Variants in NOVA2 observed in about 807,000 individuals in gnomAD.
NOVA2 encodes NOVA alternative splicing regulator 2, also known as RNA-binding protein Nova-2.
A neutral mutation model predicts 22.5 loss-of-function variants in NOVA2; 9 were observed. The observed-to-expected ratio is 0.40, with a 90% CI of 0.24 to 0.70. The LOEUF (loss-of-function observed/expected upper bound fraction) is 0.70. Ranked by LOEUF, NOVA2 falls within the 30% of genes least tolerant of loss-of-function variation. The pLI, the probability that NOVA2 is intolerant of heterozygous loss-of-function variation, is 0.38. For missense variants in NOVA2, 383 were observed against 682.8 expected, an observed-to-expected ratio of 0.56 and a Z score of 4.89; for synonymous variants, 318 against 335.2, an observed-to-expected ratio of 0.95 and a Z score of 0.56.
At chr19:45,960,818 C>T (rs1424449227) in intron 2 of NOVA2, among the ~76,000 whole-genome samples, 192 bp downstream of exon 2, 1 of 152,156 alleles carries the variant, frequency 6.6e-6, no homozygotes, top group Non-Finnish European at 1.5e-5. Context: ...CTTGCCCTGC[C>T]CCCACCCCCA....
intron 1 of NOVA2, among the ~76,000 whole-genome samples, chr19:45,966,177 T>G (rs1968165464): frequency 6.6e-6 from 1 of 152,236 alleles, no homozygotes. Context: ...CTCCATTCTC[T>G]GCACTCAGCC....
At chr19:45,970,905 GA>G (rs1454097263) in intron 1 of NOVA2, among the ~76,000 whole-genome samples, 1 of 152,158 alleles carries the variant, frequency 6.6e-6, no homozygotes, top group Non-Finnish European at 1.5e-5. Context: ...TGAGTAAACA[GA>G]AGCGGGGTGG....
intron 1 of NOVA2, among the ~76,000 whole-genome samples, chr19:45,961,858 A>C (rs1206992006): frequency 6.6e-6 from 1 of 152,142 alleles, no homozygotes; most frequent in African/African-American, 2.4e-5. Context: ...TATGTGAAGG[A>C]CGAGTGAGTG....
intron 3 of NOVA2, among the ~76,000 whole-genome samples, chr19:45,950,778 C>A (rs544246608): frequency 1.3e-5 from 2 of 152,162 alleles, no homozygotes; most frequent in African/African-American, 2.4e-5. Context: ...ACTACCACCA[C>A]CAACAATAAC....
At chr19:45,954,248 G>A (rs1260494496) in intron 2 of NOVA2, among the ~76,000 whole-genome samples, 10 of 152,208 alleles carry the variant, frequency 6.6e-5, no homozygotes. Flanking sequence ...GGGGAGACAG[G>A]GCTCAGCTGC....
At position 45,968,891 on chromosome 19, in the gene NOVA2, G is replaced by A. The variant is rs145363785; in HGVS notation, c.85+4376C>T. Among the ~76,000 whole-genome samples the A allele has an allele frequency of 2.1e-3, 327 of 152,276 alleles. 2 individuals are homozygous for A. Among genetic ancestry groups the A allele is most frequent in the African/African-American group, 7.7e-3 (321 of 41,544 alleles). On this transcript the variant is annotated intron_variant, in intron 1 of 3. Coordinates refer to ENST00000263257, the MANE Select transcript of NOVA2 (RefSeq NM_002516.4). ...ATAAAGAATGTGGCCGGGCGTGCTG[G>A]CTCACGCCTGTAATCCCAGCACTTT... is the stretch of plus-strand genomic sequence containing the variant.
chr19:45,940,904 G>A lies in NOVA2; in HGVS notation c.438C>T (p.Ile146=), dbSNP rs1967746750. 4 of 1,605,014 alleles carry A rather than the reference G, an allele frequency of 2.5e-6. No individual in the cohort carries two copies. The highest frequency in any genetic ancestry group is 1.7e-5 in the Admixed American group (1 of 59,982). Residue 146 remains isoleucine (I), a synonymous_variant, in exon 4 of 4, where the codon ATC becomes ATT. Transcript: ENST00000263257. ...IVPNSTAGLI[I]GKGGATVKAV... is the part of the protein sequence containing the mutation. ...CTTTCACCGTGGCGCCTCCCTTGCC[G>A]ATGATCAGGCCCGCCGTGCTGTTGG...
At chr19:45,955,110 A>T (rs979513431) in intron 2 of NOVA2, among the ~76,000 whole-genome samples, 1 of 152,128 alleles carries the variant, frequency 6.6e-6, no homozygotes, top group African/African-American at 2.4e-5. Context: ...TGAGAGAAAG[A>T]AACAAAAGAA....
chr19:45,947,739 T>A (rs1187622060), intron 3 of NOVA2, among the ~76,000 whole-genome samples: 3 of 152,146 alleles, frequency 2.0e-5, no homozygotes, highest in African/African-American at 7.2e-5. Flanking sequence ...CCCAAAGTAC[T>A]GGGATTACAG....
intron 2 of NOVA2, among the ~76,000 whole-genome samples, chr19:45,960,354 T>A (rs1250157103): frequency 7.6e-6 from 1 of 131,882 alleles, no homozygotes; most frequent in African/African-American, 2.9e-5. Flanking sequence ...AAGGAAAGGA[T>A]GGGGAGAGAG....
intron 2 of NOVA2, among the ~76,000 whole-genome samples, chr19:45,958,654 T>C (rs931903029): frequency 3.3e-5 from 5 of 151,926 alleles, no homozygotes; most frequent in African/African-American, 1.2e-4. Flanking sequence ...TGTGTGTGAG[T>C]GTGCATGTGA....
intron 3 of NOVA2, among the ~76,000 whole-genome samples, chr19:45,943,386 G>A (rs1279349437): frequency 6.6e-6 from 1 of 151,106 alleles, no homozygotes; most frequent in Non-Finnish European, 1.5e-5. Context: ...TGTCCTGTTG[G>A]ACATTCATGC....
chr19:45,960,346 G>A (rs893188414), intron 2 of NOVA2, among the ~76,000 whole-genome samples: 6 of 151,288 alleles, frequency 4.0e-5, no homozygotes, highest in Non-Finnish European at 7.4e-5. Context: ...GTGGAGGGAA[G>A]GAAAGGATGG....
At chr19:45,958,653 G>A (rs1029979440) in intron 2 of NOVA2, among the ~76,000 whole-genome samples, 2 of 151,774 alleles carry the variant, frequency 1.3e-5, no homozygotes, top group Non-Finnish European at 2.9e-5. Flanking sequence ...CTGTGTGTGA[G>A]TGTGCATGTG....
intron 1 of NOVA2, among the ~76,000 whole-genome samples, chr19:45,969,127 C>A (rs1273791345): frequency 6.6e-6 from 1 of 152,062 alleles, no homozygotes; most frequent in Non-Finnish European, 1.5e-5. Flanking sequence ...CCACTGCACT[C>A]CAGCCCGGGC....
At chr19:45,953,570 T>A (rs1282352320) in intron 3 of NOVA2, among the ~76,000 whole-genome samples, 1 of 152,206 alleles carries the variant, frequency 6.6e-6, no homozygotes, top group Non-Finnish European at 1.5e-5. Flanking sequence ...CCTCTCTGAA[T>A]CAAGCCCACT....
chr19:45,948,581 C>T (rs759257282), intron 3 of NOVA2, among the ~76,000 whole-genome samples: 9 of 123,200 alleles, frequency 7.3e-5, no homozygotes, highest in Admixed American at 1.0e-4. Flanking sequence ...GCCTGGGGGA[C>T]GGAGGGAGAC....
Position 45,953,961 on chromosome 19 carries a change from A to G in NOVA2, c.230-15T>C. The G allele has an allele frequency of 6.2e-7, 1 of 1,613,060 alleles. No individual in the cohort carries two copies. The highest frequency in any genetic ancestry group is 1.1e-5 in the South Asian group (1 of 91,032). On this transcript the variant is annotated splice_polypyrimidine_tract_variant and intron_variant, in intron 2 of 3. Coordinates refer to ENST00000263257, the MANE Select transcript of NOVA2 (RefSeq NM_002516.4). ...CTCTGTGGTTCCTGTTGAGCAAGGGAGAGAGAGGGCACACTCATGAGACAG... is the reference window on the plus strand; with the variant it reads ...CTCTGTGGTTCCTGTTGAGCAAGGGGGAGAGAGGGCACACTCATGAGACAG...
At chr19:45,948,090 CA>C (rs570753816) in intron 3 of NOVA2, among the ~76,000 whole-genome samples, 1 of 152,216 alleles carries the variant, frequency 6.6e-6, no homozygotes, top group Admixed American at 6.5e-5. Context: ...AGCATGACCA[CA>C]AGTAGCTGGA....
Sources: allele counts gnomAD v4.1 joint callset (sites outside exome capture counted in the v4.1 genomes callset), GRCh38; gene constraint gnomAD v4.1.1; transcripts MANE v1.5; gene names NCBI Gene and HGNC (gene_info 2026-07-23, HGNC 2026-07-21).